Variants in TENM1 observed in about 807,000 individuals in gnomAD.
TENM1 encodes teneurin-1.
A neutral mutation model predicts 174.8 loss-of-function variants in TENM1; 35 were observed. The observed-to-expected ratio is 0.20, with a 90% CI of 0.15 to 0.27. The LOEUF (loss-of-function observed/expected upper bound fraction) is 0.27. TENM1 is among the 10% of genes least tolerant of loss of function. The pLI is 1.00. For synonymous variants in TENM1, 781 were observed against 798.7 expected, an observed-to-expected ratio of 0.98 and a Z score of 0.37; for missense variants, 1,633 against 2,130.1, an observed-to-expected ratio of 0.77 and a Z score of 4.59.
the TENM1 span, among the ~76,000 whole-genome samples, chrX:125,196,384 A>C: frequency 9.0e-6 from 1 of 111,613 alleles, no homozygotes; most frequent in Non-Finnish European, 1.9e-5. Flanking sequence ...CAATGTATGT[A>C]TGTTTTCATA....
At chrX:124,612,135 AAT>A (rs1037927052) in intron 11 of TENM1, among the ~76,000 whole-genome samples, 4 of 111,946 alleles carry the variant, frequency 3.6e-5, no homozygotes, top group Non-Finnish European at 5.6e-5. Flanking sequence ...GAAAAATAAA[AAT>A]ATATGTGTAT....
chrX:125,176,701 G>A, the TENM1 span, among the ~76,000 whole-genome samples: 1 of 111,334 alleles, frequency 9.0e-6, no homozygotes, highest in Non-Finnish European at 1.9e-5. Context: ...TCTGTCTGAA[G>A]GCATAATCAT....
At chrX:124,952,808 C>G (rs909152620) in intron 1 of TENM1, among the ~76,000 whole-genome samples, 3 of 111,654 alleles carry the variant, frequency 2.7e-5, no homozygotes, top group Non-Finnish European at 5.7e-5. Flanking sequence ...GTCATTTCCT[C>G]TAACAGTTTG....
the TENM1 span, among the ~76,000 whole-genome samples, chrX:125,179,022 A>G: frequency 9.0e-6 from 1 of 111,456 alleles, no homozygotes; most frequent in Non-Finnish European, 1.9e-5. Flanking sequence ...TGCACAAAGA[A>G]GAGTTAATAT....
At chrX:124,748,254 A>G (rs953957251) in intron 3 of TENM1, among the ~76,000 whole-genome samples, 2 of 111,226 alleles carry the variant, frequency 1.8e-5, no homozygotes, top group Non-Finnish European at 3.8e-5. Flanking sequence ...CAGGACTTAG[A>G]TGTTTCCCAT....
intron 25 of TENM1, 84 bp from the exon 29 acceptor site, chrX:124,406,573 A>C (rs2060465098): frequency 1.6e-6 from 1 of 608,841 alleles, no homozygotes; most frequent in Non-Finnish European, 2.6e-6. Flanking sequence ...TTGGCAGCTA[A>C]TACAGTTTAA....
chrX:124,872,669 T>C (rs767106855), intron 3 of TENM1, among the ~76,000 whole-genome samples: 4 of 112,170 alleles, frequency 3.6e-5, no homozygotes, highest in Non-Finnish European at 1.9e-5. Context: ...AATAGCATGG[T>C]ATATATTAAT....
At chrX:124,922,946 C>G (rs1015389739) in intron 1 of TENM1, among the ~76,000 whole-genome samples, 1 of 111,351 alleles carries the variant, frequency 9.0e-6, no homozygotes. Flanking sequence ...TAAGGTTTTC[C>G]TTGTGGCAAA....
intron 11 of TENM1, among the ~76,000 whole-genome samples, chrX:124,580,223 A>T (rs2049268266): frequency 9.0e-6 from 1 of 111,495 alleles, no homozygotes; most frequent in African/African-American, 3.3e-5. Context: ...ATTGACAGAC[A>T]AATGGATAAA....
At position 124,689,318 on chromosome X, in the gene TENM1, T is replaced by A. The variant is rs373231635; in HGVS notation, c.1015+15695A>T. On this transcript the variant is annotated intron_variant, in intron 5 of 31. Transcript: ENST00000422452. The stretch of plus-strand genomic sequence containing the variant: ...ATGGTAAGAAAAAGGTCTGAATAGA[T>A]TTAAAACATTGGTATTCAGCGTATT... Among the ~76,000 whole-genome samples, 124 of 112,159 alleles carry A rather than the reference T, an allele frequency of 1.1e-3. 1 individual carries two copies. Among genetic ancestry groups the A allele is most frequent in the African/African-American group, 3.8e-3 (116 of 30,891 alleles).
In TENM1 at chrX:124,420,488, C is replaced by T. The variant is rs1417873896; in HGVS notation, c.4805G>A (p.Gly1602Glu). The change falls in exon 25 of 32, where the codon GGA becomes GAA. Residue 1602 changes from glycine to glutamate, a missense_variant. Physicochemically the swap from Gly to Glu is moderately conservative, Grantham distance 98. Coordinates refer to ENST00000422452, the Ensembl canonical transcript of TENM1. ...AGGCACCACAAGCCATAGCGGCATT[C>T]CGCCTGCATCACGGCGAATGTGCAC... 9.1e-6 allele frequency: 11 copies of T among 1,210,972 alleles called. No individual in the cohort carries two copies. The highest frequency in any genetic ancestry group is 1.2e-5 in the Non-Finnish European group (11 of 895,506).
At chrX:124,888,692 T>C (rs1355677291) in intron 3 of TENM1, among the ~76,000 whole-genome samples, 1 of 112,130 alleles carries the variant, frequency 8.9e-6, no homozygotes, top group African/African-American at 3.2e-5. Flanking sequence ...GTACCTTACC[T>C]GATAGCATCT....
At chrX:124,605,306 C>G (rs1322768029) in intron 11 of TENM1, among the ~76,000 whole-genome samples, 1 of 105,597 alleles carries the variant, frequency 9.5e-6, no homozygotes, top group African/African-American at 3.5e-5. Flanking sequence ...CGGTTTCATC[C>G]TTTTCTAGGT....
At chrX:125,116,935 C>T in the TENM1 span, among the ~76,000 whole-genome samples, 1 of 105,816 alleles carries the variant, frequency 9.5e-6, no homozygotes, top group Admixed American at 1.0e-4. Flanking sequence ...CATGAGAACC[C>T]AGGAGATGGA....
the TENM1 span, among the ~76,000 whole-genome samples, chrX:125,160,186 G>A: frequency 2.4e-3 from 247 of 100,973 alleles, 3 homozygotes; most frequent in Middle Eastern, 5.1e-3. Flanking sequence ...GGGGGACAGG[G>A]TGAGACTCCA....
At chrX:124,407,782 T>C (rs1462948895) in intron 25 of TENM1, among the ~76,000 whole-genome samples, 2 of 113,187 alleles carry the variant, frequency 1.8e-5, no homozygotes, top group Non-Finnish European at 3.7e-5. Context: ...AACAGTCACA[T>C]ATGTGAATAG....
intron 3 of TENM1, among the ~76,000 whole-genome samples, chrX:124,834,347 G>A (rs1175067004): frequency 4.5e-5 from 5 of 110,955 alleles, no homozygotes; most frequent in Non-Finnish European, 7.6e-5. Flanking sequence ...AATTTTTGTA[G>A]GTTTAGTAGA....
the TENM1 span, among the ~76,000 whole-genome samples, chrX:124,978,642 C>G: frequency 9.0e-6 from 1 of 111,618 alleles, no homozygotes; most frequent in Non-Finnish European, 1.9e-5. Context: ...TGGTTTCCTA[C>G]GGGTCACTCC....
chrX:124,973,606 A>G, the TENM1 span, among the ~76,000 whole-genome samples: 1 of 111,239 alleles, frequency 9.0e-6, no homozygotes, highest in Non-Finnish European at 1.9e-5. Context: ...ATTCTCCTTG[A>G]AGAGGTCCTT....
Sources: allele counts gnomAD v4.1 joint callset (sites outside exome capture counted in the v4.1 genomes callset), GRCh38; gene constraint gnomAD v4.1.1; transcripts MANE v1.5; gene names NCBI Gene and HGNC (gene_info 2026-07-23, HGNC 2026-07-21).